Variants in PLCH1 observed in about 807,000 individuals in gnomAD.
PLCH1 encodes the protein 1-phosphatidylinositol 4,5-bisphosphate phosphodiesterase eta-1.
PLCH1 carries 60 observed loss-of-function variants against 126.7 expected under a neutral mutation model. The ratio of observed to expected loss-of-function variants is 0.47; its 90% CI spans 0.38 to 0.59. PLCH1 has a LOEUF of 0.59. Ranked by LOEUF, PLCH1 falls within the 20% of genes least tolerant of loss-of-function variation. The pLI is 0.00. For synonymous variants in PLCH1, 719 were observed against 734.9 expected (o/e 0.98, Z 0.35); for missense variants, 1,723 against 2,040.0 (o/e 0.84, Z 2.99).
At chr3:155,692,653 T>C (rs184208359) in intron 2 of PLCH1, among the ~76,000 whole-genome samples, 1 of 152,322 alleles carries the variant, frequency 6.6e-6, no homozygotes, top group African/African-American at 2.4e-5. Flanking sequence ...TACCTTGCTT[T>C]TCCTACTCTC....
At chr3:155,564,481 C>T (rs1291786978) in intron 8 of PLCH1, among the ~76,000 whole-genome samples, 2 of 152,102 alleles carry the variant, frequency 1.3e-5, no homozygotes, top group African/African-American at 4.8e-5. Context: ...AGGAGAATCG[C>T]TTGAACCTGG....
At chr3:155,460,085 C>A (rs146755828) in intron 21 of PLCH1, among the ~76,000 whole-genome samples, 11 of 152,152 alleles carry the variant, frequency 7.2e-5, no homozygotes, top group East Asian at 3.9e-4. Context: ...ATTGAACCAG[C>A]GTTTTGATTT....
At chr3:155,650,289 G>A (rs975415429) in intron 2 of PLCH1, among the ~76,000 whole-genome samples, 14 of 152,136 alleles carry the variant, frequency 9.2e-5, no homozygotes, top group Admixed American at 6.5e-4. Context: ...ATACCCAAAC[G>A]AAGAACTTCC....
intron 10 of PLCH1, among the ~76,000 whole-genome samples, chr3:155,543,152 C>A (rs547996359): frequency 1.3e-5 from 2 of 152,082 alleles, no homozygotes; most frequent in East Asian, 1.9e-4. Context: ...AAAATTTAGA[C>A]GAATGTATAA....
intron 11 of PLCH1, among the ~76,000 whole-genome samples, chr3:155,515,396 T>C (rs544994450): frequency 6.6e-6 from 1 of 152,320 alleles, no homozygotes; most frequent in South Asian, 2.1e-4. Context: ...ATAAAACTAC[T>C]TTTTTCACTG....
intron 4 of PLCH1, among the ~76,000 whole-genome samples, chr3:155,590,204 C>A (rs1345852164): frequency 6.6e-6 from 1 of 152,186 alleles, no homozygotes; most frequent in African/African-American, 2.4e-5. Context: ...TAAGTGAAAT[C>A]TAATAATGAA....
Position 155,641,987 on chromosome 3 carries a change from A to G in PLCH1, c.80-45609T>C, listed in dbSNP as rs574155716. Among the ~76,000 whole-genome samples, 15 of 152,302 alleles carry G rather than the reference A, an allele frequency of 9.8e-5. No homozygotes were observed. The East Asian group carries it at 2.9e-3, about 29-fold the overall frequency. ...AAATGGATCAAGAGTAATTGTTCCCAGTTGTAAGAAATAGTGAATGCATTA... is the reference window on the plus strand; with the variant it reads ...AAATGGATCAAGAGTAATTGTTCCCGGTTGTAAGAAATAGTGAATGCATTA... On this transcript the variant is annotated intron_variant, in intron 2 of 22. Coordinates refer to ENST00000460012, the MANE Select transcript of PLCH1 (RefSeq NM_014996.4).
intron 8 of PLCH1, among the ~76,000 whole-genome samples, chr3:155,559,081 T>G (rs1323171651): frequency 6.6e-6 from 1 of 152,186 alleles, no homozygotes; most frequent in Non-Finnish European, 1.5e-5. Flanking sequence ...ACAGCCTCAT[T>G]CAATTCCTTA....
intron 2 of PLCH1, among the ~76,000 whole-genome samples, chr3:155,644,382 C>A (rs1371221483): frequency 1.3e-5 from 2 of 152,146 alleles, no homozygotes; most frequent in East Asian, 1.9e-4. Context: ...GCAGGCAGAT[C>A]ACTTGAGGTC....
chr3:155,500,811 A>G lies in PLCH1; in HGVS notation c.1705-17T>C. 1 of 1,410,204 alleles carries G rather than the reference A, an allele frequency of 7.1e-7. No homozygotes were observed. Among genetic ancestry groups the G allele is most frequent in the Non-Finnish European group, 1.0e-6 (1 of 994,610 alleles). The allele number at this position is 1,410,204 out of a possible 1,614,324, so 87.4% of individuals were successfully genotyped here. A position where few individuals can be genotyped will look rare whatever the true frequency, so the allele number is the denominator to read the frequency against. On this transcript the variant is annotated splice_polypyrimidine_tract_variant and intron_variant, in intron 13 of 22. Transcript: ENST00000460012. Reference sequence around the variant, plus strand: ...TGTAGTTTTCTGCCAGAAAAATCAAAACAAACTTAACAAACTCATTGTATC... The same window carrying G: ...TGTAGTTTTCTGCCAGAAAAATCAAGACAAACTTAACAAACTCATTGTATC...
At chr3:155,578,261 T>C (rs1293170366) in intron 6 of PLCH1, among the ~76,000 whole-genome samples, 1 of 152,244 alleles carries the variant, frequency 6.6e-6, no homozygotes, top group East Asian at 1.9e-4. Context: ...ACATTGTTAA[T>C]AAAGAATCTC....
intron 12 of PLCH1, among the ~76,000 whole-genome samples, chr3:155,505,200 C>T (rs1041562583): frequency 1.1e-4 from 16 of 152,096 alleles, no homozygotes; most frequent in African/African-American, 3.6e-4. Flanking sequence ...TTTATGTGTT[C>T]GTTGAAATAA....
At chr3:155,662,010 G>A (rs1408449576) in intron 2 of PLCH1, among the ~76,000 whole-genome samples, 5 of 152,192 alleles carry the variant, frequency 3.3e-5, no homozygotes, top group Non-Finnish European at 7.3e-5. Flanking sequence ...TGAATCAGCA[G>A]AATCTACCTG....
chr3:155,623,072 C>T (rs1302748413), intron 2 of PLCH1, among the ~76,000 whole-genome samples: 10 of 152,142 alleles, frequency 6.6e-5, no homozygotes, highest in African/African-American at 2.4e-4. Flanking sequence ...TCTCTCAGAC[C>T]ACAGTGCAAT....
intron 2 of PLCH1, among the ~76,000 whole-genome samples, chr3:155,696,170 A>T (rs1040049668): frequency 6.6e-6 from 1 of 152,212 alleles, no homozygotes; most frequent in African/African-American, 2.4e-5. Context: ...TAAAAATCTG[A>T]ATATTCCTTT....
chr3:155,739,953 A>C (rs976704596), intron 1 of PLCH1, among the ~76,000 whole-genome samples: 7 of 152,360 alleles, frequency 4.6e-5, no homozygotes, highest in Admixed American at 4.6e-4. Context: ...ACAATAAATA[A>C]CCAGAAAAAC....
intron 2 of PLCH1, among the ~76,000 whole-genome samples, chr3:155,630,984 C>T (rs951143416): frequency 1.2e-4 from 18 of 152,072 alleles, no homozygotes; most frequent in Non-Finnish European, 2.4e-4. Flanking sequence ...TCTTTTATGG[C>T]TCACCACAGA....
chr3:155,694,202 C>T (rs962811049), intron 2 of PLCH1, among the ~76,000 whole-genome samples: 12 of 152,070 alleles, frequency 7.9e-5, no homozygotes, highest in African/African-American at 2.7e-4. Context: ...TTTCAACCCA[C>T]CAAAATCTAA....
chr3:155,549,690 A>C (rs1391008820), intron 10 of PLCH1, 97 bp downstream of exon 10: 2 of 821,442 alleles, frequency 2.4e-6, no homozygotes, highest in Non-Finnish European at 3.9e-6. Flanking sequence ...TATTGATTCT[A>C]ATTATTATTC....
Sources: allele counts gnomAD v4.1 joint callset (sites outside exome capture counted in the v4.1 genomes callset), GRCh38; gene constraint gnomAD v4.1.1; transcripts MANE v1.5; gene names NCBI Gene and HGNC (gene_info 2026-07-23, HGNC 2026-07-21).